ZDHHC14: variants seen among roughly 807,000 people sequenced by gnomAD.
ZDHHC14 encodes palmitoyltransferase ZDHHC14.
ZDHHC14 carries 16 observed loss-of-function variants against 47.7 expected under a neutral mutation model. The ratio of observed to expected loss-of-function variants is 0.34; its 90% CI spans 0.23 to 0.51. The LOEUF (loss-of-function observed/expected upper bound fraction) is 0.51, where lower values mean the gene tolerates loss of function less well. ZDHHC14 is among the 20% of genes least tolerant of loss of function. The probability of loss-of-function intolerance (pLI) is 0.97; values close to 1 mark genes in which losing one functional copy is unlikely to be tolerated. For missense variants in ZDHHC14, 515 were observed against 662.5 expected (o/e 0.78, Z 2.44); for synonymous variants, 293 against 278.9 (o/e 1.05, Z -0.50).
chr6:157,654,297 A>G (rs1781557388), intron 8 of ZDHHC14, among the ~76,000 whole-genome samples: 1 of 152,086 alleles, frequency 6.6e-6, no homozygotes, highest in African/African-American at 2.4e-5. Context: ...GGACACCAGG[A>G]ATCTCAGCCT....
chr6:157,550,840 G>A (rs9456473), intron 2 of ZDHHC14, among the ~76,000 whole-genome samples: 6,222 of 152,208 alleles, frequency 0.041, 429 homozygotes, highest in African/African-American at 0.14. Flanking sequence ...AGTTTGTGTT[G>A]AGCTGGCACG....
intron 1 of ZDHHC14, among the ~76,000 whole-genome samples, chr6:157,399,776 C>T (rs1223668614): frequency 6.6e-6 from 1 of 152,230 alleles, no homozygotes; most frequent in Non-Finnish European, 1.5e-5. Flanking sequence ...TTCCATAGAC[C>T]AGGCTGGCTG....
intron 7 of ZDHHC14, among the ~76,000 whole-genome samples, chr6:157,650,973 C>T (rs947503803): frequency 1.3e-5 from 2 of 152,140 alleles, no homozygotes; most frequent in Admixed American, 1.3e-4. Context: ...TGAGGACCCC[C>T]CATTGCAGTT....
chr6:157,479,581 G>A (rs950059035), intron 1 of ZDHHC14, among the ~76,000 whole-genome samples: 3 of 152,158 alleles, frequency 2.0e-5, no homozygotes, highest in Admixed American at 6.5e-5. Context: ...TAAATACCTC[G>A]TTAGCCATCG....
intron 2 of ZDHHC14, among the ~76,000 whole-genome samples, chr6:157,579,565 G>T (rs1434570890): frequency 1.3e-5 from 2 of 152,060 alleles, no homozygotes; most frequent in Admixed American, 6.5e-5. Context: ...CTGATTTCTG[G>T]CAGTGTTTTG....
At chr6:157,496,223 A>T (rs949470307) in intron 1 of ZDHHC14, among the ~76,000 whole-genome samples, 1 of 152,028 alleles carries the variant, frequency 6.6e-6, no homozygotes, top group African/African-American at 2.4e-5. Context: ...TGGTTCTGAG[A>T]TGGGAGGTCG....
chr6:157,528,745 A>G (rs1781257315), intron 1 of ZDHHC14, among the ~76,000 whole-genome samples: 1 of 151,554 alleles, frequency 6.6e-6, no homozygotes, highest in Non-Finnish European at 1.5e-5. Flanking sequence ...AAAATAAAAT[A>G]AAATAAAATA....
At chr6:157,537,622 T>C (rs1781589598) in intron 1 of ZDHHC14, among the ~76,000 whole-genome samples, 2 of 152,228 alleles carry the variant, frequency 1.3e-5, no homozygotes, top group Non-Finnish European at 2.9e-5. Flanking sequence ...CTGAGTTGTA[T>C]GTAGGTCACA....
intron 1 of ZDHHC14, among the ~76,000 whole-genome samples, chr6:157,507,899 A>G (rs1360758029): frequency 7.9e-5 from 12 of 152,218 alleles, no homozygotes; most frequent in Admixed American, 7.2e-4. Context: ...TAAGGAAGCA[A>G]TACCTTTTTG....
At chr6:157,509,614 A>G (rs1434661996) in intron 1 of ZDHHC14, among the ~76,000 whole-genome samples, 1 of 152,218 alleles carries the variant, frequency 6.6e-6, no homozygotes, top group Admixed American at 6.5e-5. Context: ...GCCAAATGCC[A>G]TCTCAAACAC....
In ZDHHC14 at chr6:157,384,368, G is replaced by A. The variant is rs112767334; in HGVS notation, c.245+2102G>A. ...TTCATTTTCGTTTCTTGATCTCTGC[G>A]TGTGTTTTTTCAAGAGTTCCCAAAA... On this transcript the variant is annotated intron_variant, in intron 1 of 8. Transcript: ENST00000359775. 3.2e-3 allele frequency among the ~76,000 whole-genome samples: 483 copies of A among 152,214 alleles called. 7 individuals are homozygous for A. Among genetic ancestry groups the A allele is most frequent in the Non-Finnish European group, 4.6e-3 (315 of 68,010 alleles).
intron 1 of ZDHHC14, among the ~76,000 whole-genome samples, chr6:157,434,612 C>G (rs745780895): frequency 4.3e-4 from 65 of 152,208 alleles, no homozygotes; most frequent in Non-Finnish European, 8.5e-4. Context: ...TGCAATAGGG[C>G]TTTCTTTTAA....
At chr6:157,401,820 A>G (rs1562411133) in intron 1 of ZDHHC14, among the ~76,000 whole-genome samples, 1 of 146,356 alleles carries the variant, frequency 6.8e-6, no homozygotes, top group Non-Finnish European at 1.5e-5. Context: ...TCACAGCTTC[A>G]GTAGTGAGAT....
intron 4 of ZDHHC14, among the ~76,000 whole-genome samples, chr6:157,628,969 G>C (rs2114952479): frequency 6.6e-6 from 1 of 152,246 alleles, no homozygotes; most frequent in Admixed American, 6.5e-5. Flanking sequence ...AAAGATGTCT[G>C]GTGAGAAAGA....
rs1783554795 is a variant in ZDHHC14, at chr6:157,582,567, C to T, written c.407-10421C>T. Among the ~76,000 whole-genome samples, 2 of 152,198 alleles carry T rather than the reference C, an allele frequency of 1.3e-5. No individual in the cohort carries two copies. Among genetic ancestry groups the T allele is most frequent in the Admixed American group, 1.3e-4 (2 of 15,272 alleles). ...AATGCTGAATATAGCCTGATCTCTT[C>T]TGGCTTTTAGGGCTTCTGCTGAAAG... On this transcript the variant is annotated intron_variant, in intron 2 of 8. Transcript: ENST00000359775. The surrounding 1 kb of genome is among the most constrained non-coding windows in gnomAD (Gnocchi z 4.3).
chr6:157,637,450 A>G (rs766101748), intron 5 of ZDHHC14, among the ~76,000 whole-genome samples: 1 of 152,176 alleles, frequency 6.6e-6, no homozygotes, highest in Non-Finnish European at 1.5e-5. Context: ...AGAGCTTGAG[A>G]GTGTCTGTTG....
chr6:157,540,910 G>GTATATA lies in ZDHHC14; in HGVS notation c.246-1656_246-1651dup, dbSNP rs1554264587. Reference sequence around the variant, plus strand: ...TGTATGTGTGTGTGTGTGTGTGTGTGTATATATATATATATATATATATAA... The same window carrying GTATATA: ...TGTATGTGTGTGTGTGTGTGTGTGTGTATATATATATATATATATATATATATATAA... On this transcript the variant is annotated intron_variant, in intron 1 of 8. Transcript: ENST00000359775. 6.7e-4 allele frequency among the ~76,000 whole-genome samples: 83 copies of GTATATA among 122,982 alleles called. 1 individual carries two copies. The highest frequency in any genetic ancestry group is 2.3e-3 in the African/African-American group (54 of 23,070). The allele number at this position is 122,982 out of a possible 152,430, so 80.7% of individuals were successfully genotyped here.
chr6:157,425,468 T>C (rs1365829182), intron 1 of ZDHHC14, among the ~76,000 whole-genome samples: 1 of 152,252 alleles, frequency 6.6e-6, no homozygotes, highest in Non-Finnish European at 1.5e-5. Flanking sequence ...CACCCAATTA[T>C]GTTGGCCAGC....
chr6:157,432,744 C>T (rs1249552410), intron 1 of ZDHHC14, among the ~76,000 whole-genome samples: 1 of 152,204 alleles, frequency 6.6e-6, no homozygotes, highest in Non-Finnish European at 1.5e-5. Context: ...AAATGGCTTT[C>T]ATGCCCCGTA....
Sources: gnomAD v4.1 joint callset for allele counts (sites outside exome capture counted in the v4.1 genomes callset) on GRCh38, gnomAD v4.1.1 for gene constraint, Gnocchi (gnomAD v3.1) non-coding constraint, MANE v1.5 for transcripts, NCBI Gene and HGNC (gene_info 2026-07-23, HGNC 2026-07-21) for gene names.